The following PCDH15 variants were observed in gnomAD, a reference collection of about 807,000 sequenced individuals.
PCDH15 encodes protocadherin related 15, also known as protocadherin-15.
Under a neutral mutation model 178.5 loss-of-function variants are expected in PCDH15, and 129 were observed. The observed-to-expected ratio is 0.72, with a 90% CI of 0.63 to 0.84. PCDH15 has a LOEUF of 0.84. Among genes scored for constraint, PCDH15 ranks in the 40% least tolerant of loss-of-function variants. The pLI, the probability that PCDH15 is intolerant of heterozygous loss-of-function variation, is 0.00. For synonymous variants in PCDH15, 800 were observed against 732.0 expected (o/e 1.09, Z -1.50); for missense variants, 2,230 against 2,099.9 (o/e 1.06, Z -1.21).
chr10:55,291,797 G>A (rs1843013924), intron 1 of PCDH15, among the ~76,000 whole-genome samples: 2 of 152,148 alleles, frequency 1.3e-5, no homozygotes, highest in Non-Finnish European at 2.9e-5. Flanking sequence ...CATGGCTGGG[G>A]AAGTCTCATG....
At chr10:54,317,552 A>G (rs1273891086) in intron 7 of PCDH15, 111 bp from the exon 8 acceptor site, 2 of 1,225,906 alleles carry the variant, frequency 1.6e-6, no homozygotes, top group South Asian at 2.4e-5. Context: ...AGGTGGGTGG[A>G]TCACTTGAGG....
chr10:55,332,592 G>A (rs561510891), intron 2 of PCDH15, among the ~76,000 whole-genome samples: 1 of 152,230 alleles, frequency 6.6e-6, no homozygotes, highest in South Asian at 2.1e-4. Context: ...TGGTTTGGCT[G>A]TGTCCCCACC....
chr10:53,897,198 T>TG (rs35271814), intron 26 of PCDH15, among the ~76,000 whole-genome samples: 97,202 of 151,832 alleles, frequency 0.64, 32,276 homozygotes, highest in East Asian at 0.87. Flanking sequence ...ATGCAGATTC[T>TG]ATATGGCCTC....
In PCDH15 at chr10:54,293,022, A is replaced by G. The variant is rs377148774; in HGVS notation, c.876+24249T>C. On this transcript the variant is annotated intron_variant, in intron 8 of 37. Coordinates refer to ENST00000644397, the MANE Select transcript of PCDH15 (RefSeq NM_001384140.1). Reference sequence around the variant, plus strand: ...CGCATTGCCAAGACAATCCTAAGCAAAAAAGAACAAAGCTGGAGGCATCAT... The same window carrying G: ...CGCATTGCCAAGACAATCCTAAGCAGAAAAGAACAAAGCTGGAGGCATCAT... 5.3e-5 allele frequency among the ~76,000 whole-genome samples: 8 copies of G among 152,238 alleles called. No homozygotes were observed. In the East Asian group the frequency reaches 9.7e-4, roughly 18 times the overall value.
At chr10:54,401,665 G>T (rs979751169) in intron 3 of PCDH15, among the ~76,000 whole-genome samples, 2 of 151,886 alleles carry the variant, frequency 1.3e-5, no homozygotes, top group African/African-American at 2.4e-5. Context: ...TTAATGGATT[G>T]TAAAACTCAG....
intron 2 of PCDH15, among the ~76,000 whole-genome samples, chr10:54,632,124 C>A (rs2093718574): frequency 6.7e-6 from 1 of 148,942 alleles, no homozygotes; most frequent in South Asian, 2.1e-4. Context: ...AATCATGTCC[C>A]TTACAGCAAC....
intron 2 of PCDH15, among the ~76,000 whole-genome samples, chr10:55,074,519 A>T (rs1335024366): frequency 1.3e-5 from 2 of 152,096 alleles, no homozygotes; most frequent in Non-Finnish European, 2.9e-5. Flanking sequence ...TTCTTTTGAG[A>T]AGTGTCTGTT....
At chr10:54,490,457 A>G (rs1241434248) in intron 3 of PCDH15, among the ~76,000 whole-genome samples, 2 of 151,878 alleles carry the variant, frequency 1.3e-5, no homozygotes, top group Non-Finnish European at 2.9e-5. Flanking sequence ...CTCAAAAATA[A>G]ATAAATAAAT....
intron 37 of PCDH15, chr10:53,808,284 GTATT>G (rs1454526578): frequency 1.8e-5 from 7 of 393,300 alleles, no homozygotes; most frequent in African/African-American, 2.2e-5. Flanking sequence ...GCTTGTCTTA[GTATT>G]TATTTTGAAA....
chr10:55,498,842 A>G (rs10825530), intron 2 of PCDH15, among the ~76,000 whole-genome samples: 60,538 of 151,648 alleles, frequency 0.4, 12,790 homozygotes, highest in East Asian at 0.81. Context: ...ACAGAACGGG[A>G]TGCAGATGTT....
chr10:55,437,343 C>A (rs529179859), intron 2 of PCDH15, among the ~76,000 whole-genome samples: 2 of 152,314 alleles, frequency 1.3e-5, no homozygotes, highest in South Asian at 4.1e-4. Flanking sequence ...CCACAGCTTA[C>A]ACCCAGAAGG....
Position 55,161,693 on chromosome 10 carries a change from T to C in PCDH15, c.-80+4883A>G, listed in dbSNP as rs1839070948. Among the ~76,000 whole-genome samples, 5 of 152,240 alleles carry C rather than the reference T, an allele frequency of 3.3e-5. No individual in the cohort carries two copies. In the South Asian group the frequency reaches 1.0e-3, roughly 32 times the overall value. On this transcript the variant is annotated intron_variant, in intron 2 of 5. Transcript: ENST00000458638. ...TAACCCTTTCATTACTATTACAAAT[T>C]TTCATATCATTTTCCTGAGCTGTCA...
chr10:54,103,921 A>G (rs2094860531), intron 15 of PCDH15, among the ~76,000 whole-genome samples: 1 of 152,150 alleles, frequency 6.6e-6, no homozygotes, highest in Non-Finnish European at 1.5e-5. Flanking sequence ...TATAAATTAA[A>G]AAAACATAAC....
At chr10:54,024,295 A>T (rs74136917) in intron 18 of PCDH15, among the ~76,000 whole-genome samples, 17,989 of 152,122 alleles carry the variant, frequency 0.12, 2,153 homozygotes, top group African/African-American at 0.3. Flanking sequence ...TAGAAACTGT[A>T]AAATATTATA....
At chr10:54,830,528 G>A (rs1346587790) in intron 3 of PCDH15, among the ~76,000 whole-genome samples, 2 of 149,518 alleles carry the variant, frequency 1.3e-5, no homozygotes, top group African/African-American at 4.9e-5. Context: ...GGTGGGAATT[G>A]AACAATGAGA....
intron 12 of PCDH15, 49 bp downstream of exon 12, chr10:54,185,085 A>G (rs2048368290): frequency 6.3e-7 from 1 of 1,596,126 alleles, no homozygotes; most frequent in East Asian, 2.2e-5. Context: ...ACAAACATAC[A>G]TACATACATT....
intron 2 of PCDH15, among the ~76,000 whole-genome samples, chr10:55,364,986 G>T (rs1845320790): frequency 6.6e-6 from 1 of 151,950 alleles, no homozygotes; most frequent in South Asian, 2.1e-4. Context: ...TTATTTGTCT[G>T]CCAAGATTTT....
chr10:54,692,510 G>T (rs531812654), intron 1 of PCDH15, among the ~76,000 whole-genome samples: 6 of 152,240 alleles, frequency 3.9e-5, no homozygotes, highest in Non-Finnish European at 7.4e-5. Context: ...TCTAACTGGG[G>T]TTAAATGTTC....
At chr10:54,418,534 G>A (rs1010583172) in intron 3 of PCDH15, among the ~76,000 whole-genome samples, 7 of 151,718 alleles carry the variant, frequency 4.6e-5, no homozygotes, top group Non-Finnish European at 8.8e-5. Context: ...ATTACATTCG[G>A]TATGACAGAA....
Sources: allele counts gnomAD v4.1 joint callset (sites outside exome capture counted in the v4.1 genomes callset), GRCh38; gene constraint gnomAD v4.1.1; transcripts MANE v1.5; gene names NCBI Gene and HGNC (gene_info 2026-07-23, HGNC 2026-07-21).